The following MCF2L variants were observed in gnomAD, a reference collection of about 807,000 sequenced individuals.
MCF2L encodes MCF.2 cell line derived transforming sequence like, also known as guanine nucleotide exchange factor DBS.
A neutral mutation model predicts 153.4 loss-of-function variants in MCF2L; 97 were observed. That is an observed-to-expected ratio of 0.63 (90% CI 0.54 to 0.75). MCF2L has a LOEUF of 0.75. Among genes scored for constraint, MCF2L ranks in the 30% least tolerant of loss-of-function variants. The pLI is 0.00. For missense variants in MCF2L, 1,347 were observed against 1,495.2 expected, an observed-to-expected ratio of 0.90 and a Z score of 1.64; for synonymous variants, 659 against 632.2, an observed-to-expected ratio of 1.04 and a Z score of -0.64.
At chr13:113,081,186 T>C in intron 15 of MCF2L, 27 bp from the exon 16 acceptor site, 1 of 1,561,400 alleles carries the variant, frequency 6.4e-7, no homozygotes, top group Non-Finnish European at 8.7e-7. Context: ...GCTAACCTTT[T>C]TTGCTCTCCA....
At chr13:113,010,677 C>T (rs1453776452) in intron 1 of MCF2L, among the ~76,000 whole-genome samples, 2 of 152,212 alleles carry the variant, frequency 1.3e-5, no homozygotes, top group South Asian at 2.1e-4. Flanking sequence ...CAGCCTCTGC[C>T]GGGCCTCAGA....
intron 2 of MCF2L, among the ~76,000 whole-genome samples, chr13:112,914,988 C>T (rs1479676633): frequency 6.6e-6 from 1 of 151,986 alleles, no homozygotes; most frequent in Non-Finnish European, 1.5e-5. Context: ...CAGGAATTCA[C>T]CCATTTTTTT....
At chr13:112,961,634 G>C (rs1411341283) in intron 2 of MCF2L, among the ~76,000 whole-genome samples, 1 of 152,252 alleles carries the variant, frequency 6.6e-6, no homozygotes, top group East Asian at 1.9e-4. Flanking sequence ...GCCGGGACCT[G>C]CAGCCCTCCT....
chr13:113,086,078 G>A, intron 20 of MCF2L, 46 bp from the exon 21 acceptor site: 1 of 1,575,024 alleles, frequency 6.3e-7, no homozygotes, highest in Non-Finnish European at 8.6e-7. Flanking sequence ...AGGGGAGCCA[G>A]GGCTCTCCGT....
intron 7 of MCF2L, 58 bp from the exon 8 acceptor site, chr13:113,065,988 C>T (rs1389196430): frequency 1.3e-6 from 2 of 1,569,436 alleles, no homozygotes; most frequent in East Asian, 2.3e-5. Context: ...GGCCTCACCA[C>T]CAGCCTGCGC....
At chr13:113,065,224 A>G (rs2032180917) in intron 7 of MCF2L, 139 bp downstream of exon 7, 1 of 998,660 alleles carries the variant, frequency 1.0e-6, no homozygotes, top group Non-Finnish European at 1.5e-6. Context: ...CCAAGAAGTC[A>G]GCAGGCTTGA....
chr13:112,997,737 G>C (rs1316762648), intron 1 of MCF2L, among the ~76,000 whole-genome samples: 1 of 152,220 alleles, frequency 6.6e-6, no homozygotes, highest in East Asian at 1.9e-4. Context: ...CACTCCCACA[G>C]CTCCTTGGGG....
At chr13:112,944,632 C>T (rs943757637) in intron 2 of MCF2L, among the ~76,000 whole-genome samples, 1 of 145,030 alleles carries the variant, frequency 6.9e-6, no homozygotes, top group Non-Finnish European at 1.5e-5. Flanking sequence ...AGTGCAGTGG[C>T]GCAACCTCGG....
intron 2 of MCF2L, among the ~76,000 whole-genome samples, chr13:112,944,569 C>CTT (rs34676086): frequency 0.011 from 1,077 of 102,170 alleles, 26 homozygotes; most frequent in South Asian, 0.02. Flanking sequence ...TAAACCTGAA[C>CTT]TTTTTTTTTT....
In MCF2L at chr13:112,951,919, C is replaced by T. The variant is rs139747351; in HGVS notation, c.169+49548C>T. Among the ~76,000 whole-genome samples the T allele has an allele frequency of 1.3e-5, 2 of 152,292 alleles. No individual in the cohort carries two copies. Among genetic ancestry groups the T allele is most frequent in the East Asian group, 1.9e-4 (1 of 5,184 alleles). On this transcript the variant is annotated intron_variant, in intron 2 of 29. Transcript: ENST00000375608. This position sits in a 1 kb window ranked among gnomAD's most constrained non-coding sequence, Gnocchi z 4.8. ...ACCTATTCACTCTCTGTCAACAAAC[C>T]CACATACACGCACCGCATTACAAGG...
At chr13:112,927,067 G>A (rs1385925260) in intron 2 of MCF2L, among the ~76,000 whole-genome samples, 1 of 152,188 alleles carries the variant, frequency 6.6e-6, no homozygotes, top group Non-Finnish European at 1.5e-5. Context: ...AGAGAAATAT[G>A]AATTAAAAGC....
intron 3 of MCF2L, chr13:113,044,556 G>A (rs1398395560): frequency 6.8e-7 from 1 of 1,467,960 alleles, no homozygotes; most frequent in African/African-American, 1.4e-5. Flanking sequence ...TTCTGCTTTG[G>A]ATTGGCTGGT....
rs1373517237 is a variant in MCF2L at position 113,074,956 on chromosome 13, C to T, written c.1117-42C>T. 1.3e-6 allele frequency: 2 copies of T among 1,545,628 alleles called. No homozygotes were observed. The highest frequency in any genetic ancestry group is 1.8e-6 in the Non-Finnish European group (2 of 1,138,430). On this transcript the variant is annotated intron_variant, in intron 10 of 29. Coordinates refer to ENST00000535094, the MANE Select transcript of MCF2L (RefSeq NM_001112732.3). This position sits in a 1 kb window ranked among gnomAD's most constrained non-coding sequence, Gnocchi z 4.2. ...ACAGCAAGGCACTGTGTGCCTCGAA[C>T]AGAAAGAGGCCTGAGCTGGTCCTCT...
In MCF2L at chr13:113,016,799, G is replaced by A. The variant is rs1028482577; in HGVS notation, c.163+1953G>A. On this transcript the variant is annotated intron_variant, in intron 2 of 29. Transcript: ENST00000535094. ...AGGCCTTGCTCAGAGGCACGCCCTC[G>A]TACATGCCCTCTCCCTCCTCGCCTG... 8.7e-4 allele frequency among the ~76,000 whole-genome samples: 133 copies of A among 152,252 alleles called. 1 individual carries two copies. The highest frequency in any genetic ancestry group is 1.5e-3 in the Non-Finnish European group (99 of 68,014).
At chr13:113,047,520 C>T (rs926227888) in intron 4 of MCF2L, among the ~76,000 whole-genome samples, 1 of 152,250 alleles carries the variant, frequency 6.6e-6, no homozygotes, top group African/African-American at 2.4e-5. Flanking sequence ...CCAGCAGGCA[C>T]GTCGTCGTTT....
In MCF2L at chr13:112,918,990, G is replaced by A. The variant is rs114977586; in HGVS notation, c.169+16619G>A. On this transcript the variant is annotated intron_variant, in intron 2 of 29. Transcript: ENST00000375608. Reference sequence around the variant, plus strand: ...TTCCACTGCACTTGCTGGCAGAGGCGCTGTTGAAAGGCTCTCAGACCTCTA... The same window carrying A: ...TTCCACTGCACTTGCTGGCAGAGGCACTGTTGAAAGGCTCTCAGACCTCTA... Among the ~76,000 whole-genome samples, 1,247 of 152,190 alleles carry A rather than the reference G, an allele frequency of 8.2e-3. 21 individuals are homozygous for A. The highest frequency in any genetic ancestry group is 0.029 in the African/African-American group (1,187 of 41,534).
rs142809154 is a variant in MCF2L, at chr13:113,053,863, G to T, written c.370-6730G>T. On this transcript the variant is annotated intron_variant, in intron 4 of 29. Transcript: ENST00000535094. This position sits in a 1 kb window ranked among gnomAD's most constrained non-coding sequence, Gnocchi z 4.4. ...TTTTCACTGATTGCAAAGTAAACAT[G>T]CACGCCCCTTCAGGGTCCTGGTCCT... Among the ~76,000 whole-genome samples the T allele has an allele frequency of 6.1e-4, 93 of 152,260 alleles. 1 individual carries two copies. In the East Asian group the frequency reaches 0.012, roughly 19 times the overall value.
In MCF2L at chr13:113,097,861, C is replaced by A. The variant is rs924364213; in HGVS notation, c.*1002C>A. 3.3e-5 allele frequency: 5 copies of A among 152,136 alleles called. No homozygotes were observed. Among genetic ancestry groups the A allele is most frequent in the Admixed American group, 6.5e-5 (1 of 15,282 alleles). The allele number at this position is 152,136 out of a possible 1,614,324, so 9.4% of individuals were successfully genotyped here. Reference sequence around the variant, plus strand: ...GGCCGCACCTCCACTCCACTCCCCACGCGCCCCCTGCCTCCCACCCAGGTC... The same window carrying A: ...GGCCGCACCTCCACTCCACTCCCCAAGCGCCCCCTGCCTCCCACCCAGGTC... On this transcript the variant is annotated 3_prime_UTR_variant, in exon 30 of 30. Transcript: ENST00000535094.
intron 13 of MCF2L, among the ~76,000 whole-genome samples, chr13:113,078,014 G>A (rs528842303): frequency 3.7e-4 from 57 of 152,282 alleles, no homozygotes; most frequent in African/African-American, 1.4e-3. Flanking sequence ...GGTGACTCAG[G>A]GCAGTGAGGC....
Sources: allele counts gnomAD v4.1 joint callset (sites outside exome capture counted in the v4.1 genomes callset), GRCh38; gene constraint gnomAD v4.1.1; non-coding constraint Gnocchi (gnomAD v3.1); transcripts MANE v1.5; gene names NCBI Gene and HGNC (gene_info 2026-07-23, HGNC 2026-07-21).